The following DOK7 variants were observed in gnomAD, a reference collection of about 807,000 sequenced individuals.
DOK7 encodes protein Dok-7.
DOK7 carries 32 observed loss-of-function variants against 30.7 expected under a neutral mutation model. The observed-to-expected ratio is 1.04, with a 90% CI of 0.79 to 1.40. DOK7 has a LOEUF of 1.40. Ranked by LOEUF, DOK7 falls within the 40% of genes most tolerant of loss-of-function variation. DOK7 has a pLI of 0.00. For synonymous variants in DOK7, 447 were observed against 324.1 expected (o/e 1.38, Z -4.07); for missense variants, 1,007 against 699.2 (o/e 1.44, Z -4.97).
Position 3,491,866 on chromosome 4 carries a change from G to C in DOK7, c.773-893G>C, listed in dbSNP as rs369543733. On this transcript the variant is annotated intron_variant, in intron 6 of 6. Coordinates refer to ENST00000340083, the MANE Select transcript of DOK7 (RefSeq NM_173660.5). ...GGAGGGGCCGCTGTGCTCCCCGAAG[G>C]GTGGCTGCATGGGTGACCTGTGTTC... Among the ~76,000 whole-genome samples, 77 of 152,322 alleles carry C rather than the reference G, an allele frequency of 5.1e-4. No homozygotes were observed. The East Asian group carries it at 9.9e-3, about 19-fold the overall frequency.
chr4:3,466,121 A>G (rs1441781327), intron 2 of DOK7, among the ~76,000 whole-genome samples: 2 of 151,364 alleles, frequency 1.3e-5, no homozygotes, highest in Non-Finnish European at 2.9e-5. Context: ...GGTGGGGGGA[A>G]GCTGAAACTC....
chr4:3,479,691 G>C (rs1727323912), intron 4 of DOK7, among the ~76,000 whole-genome samples: 1 of 152,258 alleles, frequency 6.6e-6, no homozygotes, highest in Non-Finnish European at 1.5e-5. Context: ...ACTGGGCGTG[G>C]CTGTGCATCA....
Position 3,485,555 on chromosome 4 carries a change from C to T in DOK7, c.549C>T (p.Phe183=), listed in dbSNP as rs1448680067. 1.2e-6 allele frequency: 2 copies of T among 1,604,308 alleles called. No individual in the cohort carries two copies. The highest frequency in any genetic ancestry group is 2.3e-5 in the East Asian group (1 of 44,142). The change falls in exon 5 of 7, where the codon TTC becomes TTT. Residue 183 remains phenylalanine (F), a synonymous_variant. Coordinates refer to ENST00000340083, the MANE Select transcript of DOK7 (RefSeq NM_173660.5). ...TRCGYWAGVF[F]LSSAEGEQIS... ...CCTCTGCAGGGGCTGGCGTCTTCTT[C>T]CTGTCCTCGGCCGAGGGGGAGCAGA...
At chr4:3,488,169 C>T (rs1402484687) in intron 5 of DOK7, among the ~76,000 whole-genome samples, 2 of 152,230 alleles carry the variant, frequency 1.3e-5, no homozygotes, top group Non-Finnish European at 2.9e-5. Flanking sequence ...CAGACAGGGC[C>T]ACAGGGTCTT....
rs376280466 is a variant in DOK7, at chr4:3,492,959, C to A, written c.973C>A (p.Arg325=). ...GCCACCCCCCAAGCCGCTGCGTCCG[C>A]GGCAGCTGCAGGAGGTTGGCCGCCA... ...SRPPPKPLRP[R]QLQEVGRQSS... The change falls in exon 7 of 7, where the codon CGG becomes AGG. Residue 325 remains arginine (R), a synonymous_variant. Coordinates refer to ENST00000340083, the MANE Select transcript of DOK7 (RefSeq NM_173660.5). 3.2e-6 allele frequency: 5 copies of A among 1,552,870 alleles called. No individual in the cohort carries two copies. In the South Asian group the frequency reaches 5.9e-5, roughly 18 times the overall value.
intron 2 of DOK7, among the ~76,000 whole-genome samples, chr4:3,471,114 G>A (rs545808731): frequency 4.6e-5 from 7 of 152,244 alleles, no homozygotes; most frequent in African/African-American, 1.7e-4. Flanking sequence ...TGGGTCACCT[G>A]GTCCCTCTGT....
At chr4:3,474,139 T>C (rs1249620386) in intron 3 of DOK7, among the ~76,000 whole-genome samples, 1 of 152,010 alleles carries the variant, frequency 6.6e-6, no homozygotes, top group Non-Finnish European at 1.5e-5. Context: ...CTGCAGGGGC[T>C]TCGAATGGGT....
At chr4:3,463,450 C>CGGGGGGGGGGGGGGGGGGGGGG in intron 1 of DOK7, 21 bp downstream of exon 1, 19 of 1,230,646 alleles carry the variant, frequency 1.5e-5, no homozygotes, top group South Asian at 7.3e-5. Flanking sequence ...GTCGGGGGCG[C>CGGGGGGGGGGGGGGGGGGGGGG]GGGGGGGGGG....
intron 5 of DOK7, among the ~76,000 whole-genome samples, chr4:3,487,089 C>T (rs1041042658): frequency 1.3e-5 from 2 of 152,122 alleles, no homozygotes; most frequent in Admixed American, 6.5e-5. Context: ...GACCAGAAGT[C>T]CCAGACCCCA....
intron 4 of DOK7, among the ~76,000 whole-genome samples, chr4:3,481,755 C>T (rs899284281): frequency 3.3e-5 from 5 of 152,186 alleles, no homozygotes; most frequent in South Asian, 2.1e-4. Context: ...GGGGCAGCCA[C>T]GAGGGCACTC....
chr4:3,490,306 C>CT (rs1333074518), intron 6 of DOK7, among the ~76,000 whole-genome samples: 1 of 108,964 alleles, frequency 9.2e-6, no homozygotes, highest in African/African-American at 3.4e-5. Context: ...TCCTCCGCCC[C>CT]CCCGGCTCAT....
rs781199587 is a variant in DOK7 at position 3,492,982 on chromosome 4, C to A, written c.996C>A (p.Arg332=). 1 of 1,555,952 alleles carries A rather than the reference C, an allele frequency of 6.4e-7. No individual in the cohort carries two copies. Among genetic ancestry groups the A allele is most frequent in the South Asian group, 1.2e-5 (1 of 85,678 alleles). ...LRPRQLQEVG[R]QSSSDSGIAT... is the part of the protein sequence containing the mutation. Reference sequence around the variant, plus strand: ...CGCGGCAGCTGCAGGAGGTTGGCCGCCAGAGCTCCTCGGACAGCGGCATCG... The same window carrying A: ...CGCGGCAGCTGCAGGAGGTTGGCCGACAGAGCTCCTCGGACAGCGGCATCG... The change falls in exon 7 of 7, where the codon CGC becomes CGA. Residue 332 remains arginine, a synonymous_variant. Coordinates refer to ENST00000340083, the MANE Select transcript of DOK7 (RefSeq NM_173660.5).
rs1728750431 is a variant in DOK7 at position 3,494,143 on chromosome 4, G to A, written c.*642G>A. On this transcript the variant is annotated 3_prime_UTR_variant, in exon 7 of 7. Transcript: ENST00000340083. ...TGGGAAGGTTCCGGGAGCAGGTGGT[G>A]TCCTCAGAGCAGCCTCGCCTGCTGA... 3 of 985,662 alleles carry A rather than the reference G, an allele frequency of 3.0e-6. No individual in the cohort carries two copies. Among genetic ancestry groups the A allele is most frequent in the African/African-American group, 1.7e-5 (1 of 57,244 alleles). 61.1% of individuals were successfully genotyped at this position (985,662 alleles called of 1,614,324 possible). A position where few individuals can be genotyped will look rare whatever the true frequency, so the allele number is the denominator to read the frequency against.
intron 6 of DOK7, among the ~76,000 whole-genome samples, 176 bp from the exon 7 acceptor site, chr4:3,492,583 T>C (rs1306499401): frequency 2.0e-5 from 3 of 150,500 alleles, no homozygotes; most frequent in Non-Finnish European, 4.4e-5. Flanking sequence ...GGATGAGGGG[T>C]AGAGGGGTTG....
In DOK7 at chr4:3,493,777, C is replaced by T. The variant is rs1728715410; in HGVS notation, c.*276C>T. ...AGCTGCTTCACTCCGTGTCCCCCAC[C>T]CCTGAGGATCAGGTGAGTGCTGCAC... is the stretch of plus-strand genomic sequence containing the variant. On this transcript the variant is annotated 3_prime_UTR_variant, in exon 7 of 7. Coordinates refer to ENST00000340083, the MANE Select transcript of DOK7 (RefSeq NM_173660.5). The T allele has an allele frequency of 2.9e-6, 4 of 1,381,362 alleles. No homozygotes were observed. The highest frequency in any genetic ancestry group is 2.8e-5 in the East Asian group (1 of 35,640). The allele number at this position is 1,381,362 out of a possible 1,614,324, so 85.6% of individuals were successfully genotyped here. A position where few individuals can be genotyped will look rare whatever the true frequency, so the allele number is the denominator to read the frequency against.
At chr4:3,500,955 C>T (rs747486344) in exon 8 of DOK7, 105 of 1,364,628 alleles carry the variant, frequency 7.7e-5, no homozygotes, top group Non-Finnish European at 9.3e-5. Context: ...CAGGCATGGC[C>T]GGTCTCCGGG....
chr4:3,466,613 G>A (rs940119129), intron 2 of DOK7, among the ~76,000 whole-genome samples: 7 of 152,182 alleles, frequency 4.6e-5, no homozygotes, highest in Non-Finnish European at 8.8e-5. Flanking sequence ...CAAGAACAGG[G>A]CGACCTTCCC....
intron 4 of DOK7, among the ~76,000 whole-genome samples, chr4:3,479,931 G>A (rs753811972): frequency 5.1e-4 from 77 of 152,354 alleles, no homozygotes; most frequent in African/African-American, 1.8e-3. Context: ...GGCAGGCGAC[G>A]GTCTGTGGAC....
At chr4:3,481,820 G>A (rs561045980) in intron 4 of DOK7, among the ~76,000 whole-genome samples, 22 of 152,308 alleles carry the variant, frequency 1.4e-4, no homozygotes, top group East Asian at 3.9e-4. Context: ...AAATGTCTGC[G>A]TGGAGGAGCA....
Sources: allele counts gnomAD v4.1 joint callset (sites outside exome capture counted in the v4.1 genomes callset), GRCh38; gene constraint gnomAD v4.1.1; transcripts MANE v1.5; gene names NCBI Gene and HGNC (gene_info 2026-07-23, HGNC 2026-07-21).